The following COPG2 variants were observed in gnomAD, a reference collection of about 807,000 sequenced individuals.
COPG2 encodes the protein coat protein complex I subunit gamma 2.
A neutral mutation model predicts 46.3 loss-of-function variants in COPG2; 37 were observed. That is an observed-to-expected ratio of 0.80 (90% CI 0.61 to 1.05). COPG2 has a LOEUF of 1.05. COPG2 is among the 50% of genes least tolerant of loss of function. The pLI, the probability that COPG2 is intolerant of heterozygous loss-of-function variation, is 0.00. For synonymous variants in COPG2, 159 were observed against 129.7 expected (o/e 1.23, Z -1.53); for missense variants, 427 against 387.8 (o/e 1.10, Z -0.85).
chr7:130,577,315 A>C (rs1563047730), intron 9 of COPG2, among the ~76,000 whole-genome samples: 1 of 152,210 alleles, frequency 6.6e-6, no homozygotes, highest in Non-Finnish European at 1.5e-5. Context: ...GGGTGCACGC[A>C]CCGTGCGCAA....
chr7:130,661,068 G>A lies in COPG2; in HGVS notation c.243+1899C>T, dbSNP rs146522634. ...GAGAAAAACATTCACCATGTAGCTG[G>A]AGAAAAACATTGGTAATACTTTAAA... On this transcript the variant is annotated intron_variant, in intron 4 of 23. Coordinates refer to ENST00000425248, the MANE Select transcript of COPG2 (RefSeq NM_012133.6). 2.3e-3 allele frequency among the ~76,000 whole-genome samples: 356 copies of A among 152,286 alleles called. 1 individual carries two copies. Among genetic ancestry groups the A allele is most frequent in the African/African-American group, 8.3e-3 (343 of 41,558 alleles).
intron 9 of COPG2, among the ~76,000 whole-genome samples, chr7:130,577,106 T>C (rs979017842): frequency 1.3e-5 from 2 of 152,054 alleles, no homozygotes; most frequent in African/African-American, 4.8e-5. Flanking sequence ...AGCAGCGAGA[T>C]TGAAATGGTA....
At chr7:130,596,027 A>T (rs1794522051) in intron 9 of COPG2, among the ~76,000 whole-genome samples, 1 of 152,210 alleles carries the variant, frequency 6.6e-6, no homozygotes, top group East Asian at 1.9e-4. Flanking sequence ...TCGCCCTGAC[A>T]GTGACAAATG....
At chr7:130,649,267 T>C (rs74518832) in intron 5 of COPG2, among the ~76,000 whole-genome samples, 273 of 152,348 alleles carry the variant, frequency 1.8e-3, no homozygotes, top group African/African-American at 6.3e-3. Context: ...GAGCACGTTT[T>C]CCTGACCGTG....
intron 22 of COPG2, 70 bp from the exon 23 acceptor site, chr7:130,507,442 A>G: frequency 1.3e-6 from 1 of 770,786 alleles, no homozygotes; most frequent in Admixed American, 1.7e-5. Context: ...GCACCAGTGT[A>G]TGCTGGGAGC....
At chr7:130,563,481 G>A (rs1793750851) in intron 10 of COPG2, 145 bp from the exon 11 acceptor site, 1 of 374,854 alleles carries the variant, frequency 2.7e-6, no homozygotes. Flanking sequence ...TATATATGCT[G>A]TGAATATTCC....
At chr7:130,529,090 T>C (rs1799800784) in intron 20 of COPG2, among the ~76,000 whole-genome samples, 2 of 152,098 alleles carry the variant, frequency 1.3e-5, no homozygotes, top group African/African-American at 2.4e-5. Context: ...CAGGAAACAA[T>C]TGTCTCCAGC....
chr7:130,579,642 G>C (rs1328886642), intron 9 of COPG2, among the ~76,000 whole-genome samples: 4 of 151,984 alleles, frequency 2.6e-5, no homozygotes, highest in African/African-American at 7.2e-5. Context: ...CAAAATAAAA[G>C]GATGGAGGAA....
intron 9 of COPG2, chr7:130,603,721 CAAAAAA>C (rs782190006): frequency 1.3e-3 from 272 of 202,858 alleles, no homozygotes; most frequent in East Asian, 3.2e-3. Context: ...AACTCAGTCT[CAAAAAA>C]AAAAAAAAAA....
intron 21 of COPG2, 45 bp from the exon 22 acceptor site, chr7:130,507,868 T>C (rs180932340): frequency 2.5e-5 from 19 of 772,666 alleles, no homozygotes; most frequent in East Asian, 1.7e-4. Flanking sequence ...CTTTCTGTTA[T>C]AGGGCAAAGA....
At chr7:130,600,789 ACATT>A (rs1794620814) in intron 9 of COPG2, among the ~76,000 whole-genome samples, 1 of 152,180 alleles carries the variant, frequency 6.6e-6, no homozygotes, top group Non-Finnish European at 1.5e-5. Flanking sequence ...AAATTCAATT[ACATT>A]CATTATGATA....
chr7:130,652,755 A>G, intron 5 of COPG2, 114 bp downstream of exon 5: 2 of 709,042 alleles, frequency 2.8e-6, no homozygotes, highest in South Asian at 3.4e-5. Context: ...ATGCTTTAAG[A>G]TATTATATTC....
chr7:130,610,712 ATT>A (rs1253782834), intron 9 of COPG2: 8 of 631,888 alleles, frequency 1.3e-5, no homozygotes, highest in African/African-American at 1.1e-4. Context: ...CAATGCATAT[ATT>A]TTTTGTTCAA....
chr7:130,511,242 A>G (rs12706945), intron 20 of COPG2, among the ~76,000 whole-genome samples: 66,148 of 151,920 alleles, frequency 0.44, 17,060 homozygotes, highest in East Asian at 0.59. Flanking sequence ...AGGTATTTCC[A>G]GAAAGCTTTG....
At chr7:130,510,562 A>C (rs1554440897) in intron 20 of COPG2, among the ~76,000 whole-genome samples, 1 of 152,210 alleles carries the variant, frequency 6.6e-6, no homozygotes, top group Non-Finnish European at 1.5e-5. Flanking sequence ...ACAAAGAGAC[A>C]ACATCAGGTA....
In COPG2 at chr7:130,611,102, T is replaced by C; in HGVS notation, c.588A>G (p.Ala196=). 1 of 1,613,296 alleles carries C rather than the reference T, an allele frequency of 6.2e-7. No homozygotes were observed. The highest frequency in any genetic ancestry group is 8.5e-7 in the Non-Finnish European group (1 of 1,179,578). Residue 196 remains alanine (A), a synonymous_variant, in exon 9 of 24, where the codon GCA becomes GCG. Coordinates refer to ENST00000425248, the MANE Select transcript of COPG2 (RefSeq NM_012133.6). ...TTCTAAGGTGATACAGGACTCCCAA[T>C]GCATGGTACTAAAGAACATGAAAAA... ...SSDNIMVQYH[A]LGVLYHLRKN...
chr7:130,525,764 A>AGTAT (rs1240801093), intron 20 of COPG2, among the ~76,000 whole-genome samples: 1 of 152,190 alleles, frequency 6.6e-6, no homozygotes, highest in Non-Finnish European at 1.5e-5. Flanking sequence ...CATGGGACAG[A>AGTAT]GTATGGCCAA....
At chr7:130,510,870 A>G (rs1799583621) in intron 20 of COPG2, 1 of 515,724 alleles carries the variant, frequency 1.9e-6, no homozygotes, top group Admixed American at 2.0e-5. Flanking sequence ...CCATGGCAAG[A>G]AAATACTGAA....
chr7:130,666,998 T>TCTCTGCCCACCACTC, intron 2 of COPG2, 69 bp from the exon 3 acceptor site: 1 of 774,800 alleles, frequency 1.3e-6, no homozygotes, highest in Admixed American at 3.1e-5. Flanking sequence ...CAAATCAACT[T>TCTCTGCCCACCACTC]TAATACAGAC....
Sources: gnomAD v4.1 joint callset for allele counts (sites outside exome capture counted in the v4.1 genomes callset) on GRCh38, gnomAD v4.1.1 for gene constraint, MANE v1.5 for transcripts, NCBI Gene and HGNC (gene_info 2026-07-23, HGNC 2026-07-21) for gene names.